CLIC5: variants seen among roughly 807,000 people sequenced by gnomAD.
The protein encoded by CLIC5 is CLIC family member 5.
A neutral mutation model predicts 24.7 loss-of-function variants in CLIC5; 20 were observed. That is an observed-to-expected ratio of 0.81 (90% CI 0.57 to 1.18). The LOEUF is 1.18. Ranked by LOEUF, CLIC5 falls within the 50% of genes most tolerant of loss-of-function variation. The pLI is 0.00. For missense variants in CLIC5, 341 were observed against 326.1 expected, an observed-to-expected ratio of 1.05 and a Z score of -0.35; for synonymous variants, 159 against 135.6, an observed-to-expected ratio of 1.17 and a Z score of -1.20.
At chr6:45,997,170 A>G (rs990549368) in intron 1 of CLIC5, among the ~76,000 whole-genome samples, 3 of 151,174 alleles carry the variant, frequency 2.0e-5, no homozygotes, top group Non-Finnish European at 4.4e-5. Flanking sequence ...AATACTATGC[A>G]GCCATAAAAA....
chr6:46,059,406 G>A (rs538801216), intron 1 of CLIC5, among the ~76,000 whole-genome samples: 1 of 152,226 alleles, frequency 6.6e-6, no homozygotes, highest in South Asian at 2.1e-4. Context: ...AATTTATTTG[G>A]GAAACTTGCT....
chr6:46,011,089 C>A (rs1224934409), intron 1 of CLIC5, among the ~76,000 whole-genome samples: 1 of 152,208 alleles, frequency 6.6e-6, no homozygotes, highest in African/African-American at 2.4e-5. Context: ...AAATGAAAGA[C>A]TAGTCGTTTC....
At chr6:46,021,906 G>A (rs1767195316) in intron 1 of CLIC5, among the ~76,000 whole-genome samples, 1 of 152,278 alleles carries the variant, frequency 6.6e-6, no homozygotes, top group South Asian at 2.1e-4. Flanking sequence ...CACCAAAAAG[G>A]TGAATTTTCT....
intron 4 of CLIC5, among the ~76,000 whole-genome samples, chr6:45,922,192 C>A (rs1223149613): frequency 6.6e-6 from 1 of 152,190 alleles, no homozygotes; most frequent in African/African-American, 2.4e-5. Context: ...AATTAAATGA[C>A]AAGCTCCTAT....
intron 1 of CLIC5, among the ~76,000 whole-genome samples, chr6:45,996,827 T>A (rs1436565584): frequency 2.0e-5 from 3 of 151,730 alleles, no homozygotes; most frequent in Non-Finnish European, 2.9e-5. Context: ...CCAGTTAGAA[T>A]GGCAATCATT....
chr6:46,051,205 C>A (rs1419764417), intron 1 of CLIC5, among the ~76,000 whole-genome samples: 1 of 152,210 alleles, frequency 6.6e-6, no homozygotes, highest in African/African-American at 2.4e-5. Flanking sequence ...GAGGCTCCCA[C>A]TTGTGTATGC....
intron 1 of CLIC5, among the ~76,000 whole-genome samples, chr6:46,012,422 G>A (rs1766839705): frequency 6.6e-6 from 1 of 152,170 alleles, no homozygotes; most frequent in Non-Finnish European, 1.5e-5. Context: ...TAAAAATGTG[G>A]GGAAATAATC....
At chr6:46,039,937 A>G (rs921830007) in intron 1 of CLIC5, among the ~76,000 whole-genome samples, 4 of 152,244 alleles carry the variant, frequency 2.6e-5, no homozygotes, top group Non-Finnish European at 5.9e-5. Context: ...AACCCTGGCA[A>G]TTCAGACAAT....
the CLIC5 span, among the ~76,000 whole-genome samples, chr6:46,088,379 C>T: frequency 6.6e-6 from 1 of 152,124 alleles, no homozygotes; most frequent in Non-Finnish European, 1.5e-5. Flanking sequence ...TTATAGTACT[C>T]CACAAGAAAC....
intron 4 of CLIC5, among the ~76,000 whole-genome samples, chr6:45,930,656 G>C (rs1424087962): frequency 6.6e-6 from 1 of 152,162 alleles, no homozygotes; most frequent in African/African-American, 2.4e-5. Context: ...GGAAAGCTGG[G>C]CTGCCCAGTC....
intron 1 of CLIC5, among the ~76,000 whole-genome samples, chr6:46,034,837 G>A (rs1301663290): frequency 3.3e-5 from 5 of 152,142 alleles, no homozygotes; most frequent in African/African-American, 9.7e-5. Flanking sequence ...TGTAGGGCAC[G>A]GACTCAAACT....
chr6:46,110,004 C>A, the CLIC5 span, among the ~76,000 whole-genome samples: 1 of 152,232 alleles, frequency 6.6e-6, no homozygotes, highest in African/African-American at 2.4e-5. Context: ...TAAAATCCCT[C>A]GTGGCTTGGA....
At chr6:45,888,238 C>G (rs1762321987) in intron 6 of CLIC5, among the ~76,000 whole-genome samples, 1 of 152,158 alleles carries the variant, frequency 6.6e-6, no homozygotes, top group African/African-American at 2.4e-5. Flanking sequence ...GTACTATAAA[C>G]CAAGGCTGCC....
chr6:45,902,123 AAAAGTTTACCAGGG>A lies in CLIC5; in HGVS notation c.*951_*964del, dbSNP rs1380913126. 3.9e-5 allele frequency: 6 copies of A among 152,596 alleles called. No individual in the cohort carries two copies. Among genetic ancestry groups the A allele is most frequent in the Non-Finnish European group, 1.5e-5 (1 of 68,060 alleles). The allele number at this position is 152,596 out of a possible 1,614,324, so 9.5% of individuals were successfully genotyped here. On this transcript the variant is annotated 3_prime_UTR_variant, in exon 6 of 6. Transcript: ENST00000339561. ...TTAGATCATGAGAGAAGGCCTTTTT[AAAAGTTTACCAGGG>A]AACATCGAGGCTCATAAAGAACTCT... is the stretch of plus-strand genomic sequence containing the variant.
intron 1 of CLIC5, among the ~76,000 whole-genome samples, chr6:45,963,023 C>T (rs1167816969): frequency 1.3e-5 from 2 of 152,214 alleles, no homozygotes; most frequent in African/African-American, 4.8e-5. Context: ...CTCCCAGCCC[C>T]TTCTTTCTAC....
intron 5 of CLIC5, among the ~76,000 whole-genome samples, chr6:45,904,126 C>A (rs951027910): frequency 6.6e-6 from 1 of 152,074 alleles, no homozygotes; most frequent in African/African-American, 2.4e-5. Context: ...AATCATGGCT[C>A]CACTTAGCAG....
upstream of CLIC5, among the ~76,000 whole-genome samples, chr6:46,082,294 G>A (rs1762940858): frequency 6.6e-6 from 1 of 152,222 alleles, no homozygotes; most frequent in Non-Finnish European, 1.5e-5. Flanking sequence ...AGATCAAACA[G>A]ATATTTCAAA....
At chr6:46,037,681 TTAAG>T (rs1767700372) in intron 1 of CLIC5, among the ~76,000 whole-genome samples, 1 of 152,192 alleles carries the variant, frequency 6.6e-6, no homozygotes, top group African/African-American at 2.4e-5. Flanking sequence ...ATAATTCCAA[TTAAG>T]TATCAGTAGC....
chr6:45,890,110 A>G (rs1581703711), intron 6 of CLIC5, among the ~76,000 whole-genome samples: 2 of 152,276 alleles, frequency 1.3e-5, no homozygotes, highest in South Asian at 2.1e-4. Flanking sequence ...GAGTAGTTTG[A>G]GTTCCTTTGT....
Sources: gnomAD v4.1 joint callset for allele counts (sites outside exome capture counted in the v4.1 genomes callset) on GRCh38, gnomAD v4.1.1 for gene constraint, MANE v1.5 for transcripts, NCBI Gene and HGNC (gene_info 2026-07-23, HGNC 2026-07-21) for gene names.